The following SPG11 variants were observed in gnomAD, a reference collection of about 807,000 sequenced individuals.
The protein encoded by SPG11 is spatacsin.
A neutral mutation model predicts 274.0 loss-of-function variants in SPG11; 222 were observed. The observed-to-expected ratio is 0.81, with a 90% CI of 0.73 to 0.91. SPG11 has a LOEUF of 0.91. Ranked by LOEUF, SPG11 falls within the 40% of genes least tolerant of loss-of-function variation. The pLI is 0.00. For synonymous variants in SPG11, 1,144 were observed against 1,039.7 expected, an observed-to-expected ratio of 1.10 and a Z score of -1.93; for missense variants, 3,114 against 2,872.7, an observed-to-expected ratio of 1.08 and a Z score of -1.92.
intron 20 of SPG11, among the ~76,000 whole-genome samples, chr15:44,602,684 G>C (rs141808915): frequency 1.3e-5 from 2 of 151,836 alleles, no homozygotes; most frequent in African/African-American, 4.8e-5. Context: ...GGGTTTCACC[G>C]TGTTAGCCAG....
At position 44,606,005 on chromosome 15, in the gene SPG11, A is replaced by C. The variant is rs376883385; in HGVS notation, c.3520+20T>G. On this transcript the variant is annotated intron_variant, in intron 20 of 39. Coordinates refer to ENST00000261866, the MANE Select transcript of SPG11 (RefSeq NM_025137.4). ...TAACACTGCTAAAACATGTCTCAAG[A>C]AGTACCCATGATGACTTACCTCCTA... 26 of 1,605,082 alleles carry C rather than the reference A, an allele frequency of 1.6e-5. No homozygotes were observed. The African/African-American group carries it at 3.2e-4, about 20-fold the overall frequency.
At chr15:44,628,007 T>C (rs1000550094) in intron 10 of SPG11, among the ~76,000 whole-genome samples, 3 of 152,224 alleles carry the variant, frequency 2.0e-5, no homozygotes, top group African/African-American at 7.2e-5. Context: ...AGCATCTCCA[T>C]CTTATCACTT....
chr15:44,646,363 A>G (rs2084611028), intron 7 of SPG11, among the ~76,000 whole-genome samples: 1 of 152,182 alleles, frequency 6.6e-6, no homozygotes, highest in South Asian at 2.1e-4. Flanking sequence ...GGCCTCAGGA[A>G]ACTTACAATC....
chr15:44,585,771 G>A lies in SPG11; in HGVS notation c.4986C>T (p.Thr1662=). The change falls in exon 29 of 40, where the codon ACC becomes ACT. Residue 1662 remains threonine, a synonymous_variant. Coordinates refer to ENST00000261866, the MANE Select transcript of SPG11 (RefSeq NM_025137.4). The part of the protein sequence containing the change: ...TSIAINHTII[T]SYSIENLQHE... The stretch of plus-strand genomic sequence containing the variant: ...GCTGAAGATTCTCAATGCTGTAGCT[G>A]GTAATAATTGTATGATTAATGGCTA... 6.2e-7 allele frequency: 1 copy of A among 1,613,964 alleles called. No individual in the cohort carries two copies. The highest frequency in any genetic ancestry group is 8.5e-7 in the Non-Finnish European group (1 of 1,179,962).
intron 19 of SPG11, among the ~76,000 whole-genome samples, chr15:44,607,380 C>A (rs1300226606): frequency 6.6e-6 from 1 of 152,184 alleles, no homozygotes; most frequent in Non-Finnish European, 1.5e-5. Flanking sequence ...CTCCCAGGTT[C>A]AAGCCATTCT....
Position 44,621,906 on chromosome 15 carries a change from T to G in SPG11, c.2473A>C (p.Lys825Gln). 3 of 1,613,520 alleles carry G rather than the reference T, an allele frequency of 1.9e-6. No homozygotes were observed. Among genetic ancestry groups the G allele is most frequent in the Non-Finnish European group, 2.5e-6 (3 of 1,179,840 alleles). Reference protein sequence around the residue: ...RYWIKEQDFFKHKSVLDSFLK... With the variant: ...RYWIKEQDFFQHKSVLDSFLK... ...AATGAGTCCAAAACAGACTTGTGCT[T>G]GAAAAAATCTTGTTCCTTTATCCAG... is the stretch of plus-strand genomic sequence containing the variant. Residue 825 changes from lysine (K) to glutamine (Q), a missense_variant, in exon 14 of 40, where the codon AAG (lysine) becomes CAG (glutamine). Physicochemically the swap from Lys to Gln is moderately conservative, Grantham distance 53. Transcript: ENST00000261866.
intron 9 of SPG11, 110 bp downstream of exon 9, chr15:44,629,123 T>C (rs1567174844): frequency 7.8e-7 from 1 of 1,276,878 alleles, no homozygotes; most frequent in Non-Finnish European, 1.1e-6. Flanking sequence ...CTTACCCAAA[T>C]GTAGTAAATG....
intron 15 of SPG11, among the ~76,000 whole-genome samples, chr15:44,618,860 T>G (rs780577561): frequency 3.3e-4 from 50 of 152,140 alleles, no homozygotes; most frequent in Non-Finnish European, 7.1e-4. Context: ...CATCTATGCT[T>G]AGTTTGCCAA....
chr15:44,645,431 C>G (rs576567688), intron 7 of SPG11, among the ~76,000 whole-genome samples: 3 of 152,166 alleles, frequency 2.0e-5, no homozygotes, highest in Non-Finnish European at 4.4e-5. Context: ...ATGATTGAAA[C>G]TGAACCCCTT....
At chr15:44,654,322 C>A (rs2084872984) in intron 4 of SPG11, among the ~76,000 whole-genome samples, 1 of 152,008 alleles carries the variant, frequency 6.6e-6, no homozygotes, top group South Asian at 2.1e-4. Flanking sequence ...CCAGCCCGGC[C>A]AACATGGCGA....
chr15:44,594,063 C>T (rs907840138), intron 26 of SPG11, among the ~76,000 whole-genome samples: 1 of 151,324 alleles, frequency 6.6e-6, no homozygotes, highest in Non-Finnish European at 1.5e-5. Context: ...AGCCACCGTG[C>T]CTGGCCCATA....
chr15:44,616,209 T>G (rs1369844562), intron 15 of SPG11, among the ~76,000 whole-genome samples: 1 of 145,744 alleles, frequency 6.9e-6, no homozygotes, highest in Non-Finnish European at 1.5e-5. Flanking sequence ...TTCCCATACT[T>G]TTTTTTTTTT....
chr15:44,567,972 A>G (rs527978550), intron 35 of SPG11, among the ~76,000 whole-genome samples: 1 of 152,360 alleles, frequency 6.6e-6, no homozygotes, highest in South Asian at 2.1e-4. Flanking sequence ...AGGGGAAGAG[A>G]ATACCATGTA....
chr15:44,591,692 G>C (rs1485890438), intron 27 of SPG11, among the ~76,000 whole-genome samples: 1 of 152,216 alleles, frequency 6.6e-6, no homozygotes, highest in African/African-American at 2.4e-5. Flanking sequence ...GACCAGTGTG[G>C]CCGGACATGG....
chr15:44,600,982 G>A (rs1250094613), intron 20 of SPG11, among the ~76,000 whole-genome samples: 2 of 152,172 alleles, frequency 1.3e-5, no homozygotes, highest in Non-Finnish European at 2.9e-5. Context: ...GAGAAACCCC[G>A]TCTCTACTAA....
intron 28 of SPG11, among the ~76,000 whole-genome samples, chr15:44,586,776 GTC>G (rs890026107): frequency 6.6e-6 from 1 of 152,192 alleles, no homozygotes; most frequent in African/African-American, 2.4e-5. Context: ...ATTCAGACTG[GTC>G]TCTCTCTTTC....
chr15:44,604,606 T>G (rs1356413519), intron 20 of SPG11, among the ~76,000 whole-genome samples: 2 of 152,092 alleles, frequency 1.3e-5, no homozygotes, highest in African/African-American at 2.4e-5. Flanking sequence ...GAAGTCAACA[T>G]TCAAATTAAA....
intron 26 of SPG11, among the ~76,000 whole-genome samples, chr15:44,594,163 C>T (rs1412983641): frequency 4.0e-5 from 6 of 151,508 alleles, no homozygotes; most frequent in African/African-American, 1.5e-4. Flanking sequence ...CGGTGGCTCA[C>T]GCCTGTAAAT....
At chr15:44,662,997 A>G (rs1302154299) in intron 1 of SPG11, among the ~76,000 whole-genome samples, 2 of 152,246 alleles carry the variant, frequency 1.3e-5, no homozygotes, top group East Asian at 3.9e-4. Flanking sequence ...TTCAAATTAG[A>G]GATGATCCTC....
Sources: gnomAD v4.1 joint callset for allele counts (sites outside exome capture counted in the v4.1 genomes callset) on GRCh38, gnomAD v4.1.1 for gene constraint, MANE v1.5 for transcripts, NCBI Gene and HGNC (gene_info 2026-07-23, HGNC 2026-07-21) for gene names.